Variants in MMP17 observed in about 807,000 individuals in gnomAD.
MMP17 encodes matrix metallopeptidase 17, also known as matrix metalloproteinase-17.
Under a neutral mutation model 49.1 loss-of-function variants are expected in MMP17, and 54 were observed. That is an observed-to-expected ratio of 1.10 (90% CI 0.88 to 1.38). MMP17 has a LOEUF of 1.38. Among genes scored for constraint, MMP17 ranks in the 40% most tolerant of loss-of-function variants. The pLI, the probability that MMP17 is intolerant of heterozygous loss-of-function variation, is 0.00. For missense variants in MMP17, 837 were observed against 853.7 expected (o/e 0.98, Z 0.24); for synonymous variants, 397 against 383.1 (o/e 1.04, Z -0.42).
chr12:131,828,409 C>G lies in MMP17; in HGVS notation c.-86C>G, dbSNP rs998541860. On this transcript the variant is annotated 5_prime_UTR_variant, in exon 1 of 10. Coordinates refer to ENST00000360564, the MANE Select transcript of MMP17 (RefSeq NM_016155.7). ...GCGGGGCTCAGTCCGGCGGGGGCGC[C>G]GCGGAGAGCGGAGGGCGCCGGGCTG... 8 of 805,646 alleles carry G rather than the reference C, an allele frequency of 9.9e-6. No individual in the cohort carries two copies. The highest frequency in any genetic ancestry group is 5.6e-5 in the South Asian group (1 of 17,898). The allele number at this position is 805,646 out of a possible 1,614,324, so 49.9% of individuals were successfully genotyped here.
chr12:131,851,331 G>T lies in MMP17; in HGVS notation c.*57G>T. The T allele has an allele frequency of 2.3e-6, 3 of 1,331,978 alleles. No homozygotes were observed. The highest frequency in any genetic ancestry group is 1.9e-6 in the Non-Finnish European group (2 of 1,035,300). The allele number at this position is 1,331,978 out of a possible 1,614,324, so 82.5% of individuals were successfully genotyped here. ...CGGTGGGACAGCCTGGCCACAGAGG[G>T]CAAGGACTGTGCCGGAGTCCCTGGG... On this transcript the variant is annotated 3_prime_UTR_variant, in exon 10 of 10. Coordinates refer to ENST00000360564, the MANE Select transcript of MMP17 (RefSeq NM_016155.7).
At position 131,849,698 on chromosome 12, in the gene MMP17, G is replaced by A. The variant is rs183469400; in HGVS notation, c.1205-104G>A. 4 of 1,349,678 alleles carry A rather than the reference G, an allele frequency of 3.0e-6. No homozygotes were observed. The Admixed American group carries it at 6.7e-5, about 23-fold the overall frequency. 83.6% of individuals were successfully genotyped at this position (1,349,678 alleles called of 1,614,324 possible). A position where few individuals can be genotyped will look rare whatever the true frequency, so the allele number is the denominator to read the frequency against. The stretch of plus-strand genomic sequence containing the variant: ...CGCTGTCCCATCAAGCCCAGGTGAG[G>A]GGCCAGGGCAAGGGCGGCTGACACA... On this transcript the variant is annotated intron_variant, in intron 8 of 9. Transcript: ENST00000360564.
rs367731160 is a variant in MMP17, at chr12:131,840,759, C to T, written c.609C>T (p.Pro203=). ...DHNDGYPFDG[P]GGTVAHAFFP... is the part of the protein sequence containing the mutation. ...ACGACGGCTACCCCTTCGACGGCCC[C>T]GGCGGCACCGTGGCCCACGCCTTCT... Residue 203 remains proline, a synonymous_variant, in exon 4 of 10, where the codon CCC becomes CCT. Transcript: ENST00000360564. The T allele has an allele frequency of 4.7e-5, 76 of 1,604,420 alleles. No individual in the cohort carries two copies. The highest frequency in any genetic ancestry group is 5.6e-5 in the Non-Finnish European group (66 of 1,179,872).
At chr12:131,845,612 C>T (rs1887667947) in intron 8 of MMP17, among the ~76,000 whole-genome samples, 163 bp downstream of exon 8, 1 of 152,210 alleles carries the variant, frequency 6.6e-6, no homozygotes. Flanking sequence ...GCACTCTGAG[C>T]ACCTACTGTA....
intron 5 of MMP17, among the ~76,000 whole-genome samples, chr12:131,842,951 C>G (rs1216666258): frequency 6.6e-6 from 1 of 152,144 alleles, no homozygotes; most frequent in Non-Finnish European, 1.5e-5. Flanking sequence ...CCCTGACCTC[C>G]TTTCTTCATA....
intron 1 of MMP17, among the ~76,000 whole-genome samples, chr12:131,835,786 G>A (rs1887055163): frequency 6.6e-6 from 1 of 152,202 alleles, no homozygotes; most frequent in South Asian, 2.1e-4. Context: ...GAGGTGACAG[G>A]CTATTGTAAC....
chr12:131,850,823 C>T (rs1459387412), intron 9 of MMP17, 102 bp from the exon 10 acceptor site: 24 of 896,696 alleles, frequency 2.7e-5, no homozygotes, highest in African/African-American at 3.5e-5. Flanking sequence ...GAGCCCCTTC[C>T]GCTGCAGCCC....
intron 1 of MMP17, among the ~76,000 whole-genome samples, chr12:131,832,284 G>C (rs1314337265): frequency 4.0e-5 from 2 of 50,408 alleles, no homozygotes; most frequent in Admixed American, 1.9e-4. Flanking sequence ...GGGACGGGAA[G>C]GGGGAAGGCT....
intron 1 of MMP17, among the ~76,000 whole-genome samples, chr12:131,833,070 A>C (rs546785102): frequency 2.6e-5 from 4 of 152,324 alleles, no homozygotes; most frequent in South Asian, 4.1e-4. Flanking sequence ...CTGAGGATAC[A>C]TGTCCGAACT....
intron 3 of MMP17, 170 bp from the exon 4 acceptor site, chr12:131,840,403 T>C: frequency 1.5e-6 from 1 of 653,290 alleles, no homozygotes; most frequent in Admixed American, 2.8e-5. Flanking sequence ...AGTGAACTAC[T>C]GGAACCGCCG....
intron 6 of MMP17, chr12:131,844,609 A>G (rs1297796683): frequency 1.9e-5 from 4 of 214,604 alleles, no homozygotes; most frequent in East Asian, 2.9e-4. Flanking sequence ...ACCTTGTGCC[A>G]CCCAGCCCCA....
At chr12:131,850,165 G>A (rs780471445) in intron 9 of MMP17, 106 bp downstream of exon 9, 106 of 1,403,294 alleles carry the variant, frequency 7.6e-5, no homozygotes, top group South Asian at 1.5e-4. Context: ...GGACGGCCCC[G>A]GTCGGTGTGG....
rs1194225397 is a variant in MMP17, at chr12:131,838,271, C to T, written c.236C>T (p.Ser79Phe). 1 of 1,613,296 alleles carries T rather than the reference C, an allele frequency of 6.2e-7. No individual in the cohort carries two copies. The highest frequency in any genetic ancestry group is 1.1e-5 in the South Asian group (1 of 91,080). Residue 79 changes from serine to phenylalanine, a missense_variant, in exon 2 of 10, where the codon TCT (serine) becomes TTT (phenylalanine). Ser to Phe is a radical substitution (Grantham distance 155). Transcript: ENST00000360564. ...TGQLQTQEEL[S>F]KAITAMQQFG... Reference sequence around the variant, plus strand: ...CAGCTGCAGACGCAAGAGGAGCTGTCTAAGGCCATCACAGCCATGCAGCAG... The same window carrying T: ...CAGCTGCAGACGCAAGAGGAGCTGTTTAAGGCCATCACAGCCATGCAGCAG...
rs1291063742 is a variant in MMP17 at position 131,838,070 on chromosome 12, G to A, written c.160-125G>A. On this transcript the variant is annotated intron_variant, in intron 1 of 9. Transcript: ENST00000360564. ...GCTGCCCAGGGAAGAGACAAGAGGT[G>A]CCTTGTGGGCAGATAGGGGGCTGGG... 8 of 1,214,560 alleles carry A rather than the reference G, an allele frequency of 6.6e-6. No individual in the cohort carries two copies. The African/African-American group carries it at 1.2e-4, about 19-fold the overall frequency. 75.2% of individuals were successfully genotyped at this position (1,214,560 alleles called of 1,614,324 possible).
intron 4 of MMP17, 114 bp downstream of exon 4, chr12:131,840,970 C>T (rs1441448185): frequency 2.4e-6 from 3 of 1,267,328 alleles, no homozygotes; most frequent in Non-Finnish European, 3.2e-6. Context: ...CACGCGGCTG[C>T]TCCTGAGCAC....
Position 131,828,456 on chromosome 12 carries a change from C to T in MMP17, c.-39C>T, listed in dbSNP as rs867149345. The T allele has an allele frequency of 1.0e-6, 1 of 985,236 alleles. No homozygotes were observed. The highest frequency in any genetic ancestry group is 4.6e-5 in the South Asian group (1 of 21,716). 61.0% of individuals were successfully genotyped at this position (985,236 alleles called of 1,614,324 possible). A position where few individuals can be genotyped will look rare whatever the true frequency, so the allele number is the denominator to read the frequency against. On this transcript the variant is annotated 5_prime_UTR_variant, in exon 1 of 10. Transcript: ENST00000360564. The stretch of plus-strand genomic sequence containing the variant: ...GCTGCGGAACGCGAAGCGGAGGGCG[C>T]GGGACCCTGCACGCCGCCCGCGGGC...
In MMP17 at chr12:131,841,648, C is replaced by T; in HGVS notation, c.731C>T (p.Ala244Val). ...SSDAHGMDLF[A>V]VAVHEFGHAI... The stretch of plus-strand genomic sequence containing the variant: ...GATGCCCACGGGATGGACCTGTTTG[C>T]AGTGGCTGTCCACGAGTTTGGCCAC... Residue 244 changes from alanine to valine, a missense_variant, in exon 5 of 10, where the codon GCA becomes GTA. Coordinates refer to ENST00000360564, the MANE Select transcript of MMP17 (RefSeq NM_016155.7). 2 of 1,614,088 alleles carry T rather than the reference C, an allele frequency of 1.2e-6. No individual in the cohort carries two copies.
intron 1 of MMP17, among the ~76,000 whole-genome samples, chr12:131,836,452 C>T (rs1365277848): frequency 2.0e-5 from 3 of 149,962 alleles, no homozygotes; most frequent in Non-Finnish European, 4.4e-5. Flanking sequence ...AAATGAGTCA[C>T]AAGCATTTTC....
intron 1 of MMP17, among the ~76,000 whole-genome samples, chr12:131,831,574 G>A (rs1277799228): frequency 6.6e-6 from 1 of 151,840 alleles, no homozygotes; most frequent in Non-Finnish European, 1.5e-5. Flanking sequence ...AAGACAGGCA[G>A]GAGGGTTAGA....
Sources: allele counts gnomAD v4.1 joint callset (sites outside exome capture counted in the v4.1 genomes callset), GRCh38; gene constraint gnomAD v4.1.1; transcripts MANE v1.5; gene names NCBI Gene and HGNC (gene_info 2026-07-23, HGNC 2026-07-21).